Variants in FYCO1 observed in about 807,000 individuals in gnomAD.
FYCO1 encodes FYVE and coiled-coil domain autophagy adaptor 1.
In FYCO1, 122 loss-of-function variants were observed where a neutral mutation model predicts 165.1. The observed-to-expected ratio is 0.74, with a 90% CI of 0.64 to 0.86. The LOEUF (loss-of-function observed/expected upper bound fraction) is 0.86, where lower values mean the gene tolerates loss of function less well. Among genes scored for constraint, FYCO1 ranks in the 40% least tolerant of loss-of-function variants. FYCO1 has a pLI of 0.00. For missense variants in FYCO1, 1,702 were observed against 1,810.3 expected (o/e 0.94, Z 1.09); for synonymous variants, 648 against 742.5 (o/e 0.87, Z 2.07).
At chr3:45,937,593 G>T (rs975036681) in intron 14 of FYCO1, among the ~76,000 whole-genome samples, 2 of 152,254 alleles carry the variant, frequency 1.3e-5, no homozygotes, top group African/African-American at 4.8e-5. Flanking sequence ...AAGTTTTAAA[G>T]GACTCAGAGA....
rs545216321 is a variant in FYCO1 at position 45,995,564 on chromosome 3, G to T, written c.-113+158C>A. Among the ~76,000 whole-genome samples, 7 of 152,350 alleles carry T rather than the reference G, an allele frequency of 4.6e-5. No individual in the cohort carries two copies. In the South Asian group the frequency reaches 1.2e-3, roughly 27 times the overall value. ...AGGTGCTTCCCGGCCCGCTGGGCAA[G>T]GACGGGGGCGCTCGGGCAGGGTCTG... On this transcript the variant is annotated intron_variant, in intron 1 of 17. Coordinates refer to ENST00000296137, the MANE Select transcript of FYCO1 (RefSeq NM_024513.4).
chr3:45,931,626 C>T lies in FYCO1; in HGVS notation c.4041-345G>A, dbSNP rs574332140. Among the ~76,000 whole-genome samples, 398 of 152,332 alleles carry T rather than the reference C, an allele frequency of 2.6e-3. 1 individual carries two copies. Among genetic ancestry groups the T allele is most frequent in the African/African-American group, 9.2e-3 (381 of 41,580 alleles). On this transcript the variant is annotated intron_variant, in intron 15 of 17. Transcript: ENST00000296137. ...GCCCTCATGGACAGGAAGCAAGTGCCGAGGCACAGCTTTTTGCTGCTCTCC... is the reference window on the plus strand; with the variant it reads ...GCCCTCATGGACAGGAAGCAAGTGCTGAGGCACAGCTTTTTGCTGCTCTCC...
chr3:45,983,370 T>A (rs1707149160), intron 2 of FYCO1, among the ~76,000 whole-genome samples: 3 of 152,246 alleles, frequency 2.0e-5, no homozygotes, highest in Non-Finnish European at 2.9e-5. Context: ...TAGATTTGTA[T>A]GCTTATTAAG....
In FYCO1 at chr3:45,968,313, C is replaced by T. The variant is rs1220928847; in HGVS notation, c.1021G>A (p.Glu341Lys). Residue 341 changes from glutamate to lysine, a missense_variant, in exon 8 of 18, where the codon GAG becomes AAG. Glu to Lys is a moderately conservative substitution (Grantham distance 56). Transcript: ENST00000296137. ...EDYHTALRRL[E>K]SMLQPLAQEL... ...TGTGCCAAGGGCTGCAGCATGGACT[C>T]CAGCCGCCGCAGGGCTGTGTGGTAG... The T allele has an allele frequency of 1.2e-6, 2 of 1,613,738 alleles. No homozygotes were observed.
chr3:45,967,742 T>A lies in FYCO1; in HGVS notation c.1592A>T (p.Asp531Val). 1 of 1,613,308 alleles carries A rather than the reference T, an allele frequency of 6.2e-7. No homozygotes were observed. Among genetic ancestry groups the A allele is most frequent in the East Asian group, 2.2e-5 (1 of 44,878 alleles). The change falls in exon 8 of 18, where the codon GAC (aspartate) becomes GTC (valine). Residue 531 changes from aspartate (D) to valine (V), a missense_variant. Coordinates refer to ENST00000296137, the MANE Select transcript of FYCO1 (RefSeq NM_024513.4). ...QLAQVSQHVSDLEEQKKQLIQ... is the reference protein window; with the variant it reads ...QLAQVSQHVSVLEEQKKQLIQ... Reference sequence around the variant, plus strand: ...GAGCTGCTTCTTCTGCTCCTCCAGGTCACTCACATGTTGGCTCACCTGTGC... The same window carrying A: ...GAGCTGCTTCTTCTGCTCCTCCAGGACACTCACATGTTGGCTCACCTGTGC...
intron 15 of FYCO1, among the ~76,000 whole-genome samples, chr3:45,933,476 G>T (rs4683153): frequency 0.62 from 95,006 of 152,102 alleles, 30,251 homozygotes; most frequent in South Asian, 0.76. Context: ...GATCTGTGTG[G>T]TCTAGTTATT....
In FYCO1 at chr3:45,955,398, G is replaced by A. The variant is rs769966489; in HGVS notation, c.3800-5C>T. 2 of 1,614,082 alleles carry A rather than the reference G, an allele frequency of 1.2e-6. No homozygotes were observed. Among genetic ancestry groups the A allele is most frequent in the South Asian group, 2.2e-5 (2 of 91,078 alleles). On this transcript the variant is annotated splice_region_variant and splice_polypyrimidine_tract_variant and intron_variant, in intron 13 of 17. Coordinates refer to ENST00000296137, the MANE Select transcript of FYCO1 (RefSeq NM_024513.4). ...GCCTGTAGTCTGTATTTGCTCCTGGGCAGCAGAGGCAGATCAGGAGAGAAG... is the reference window on the plus strand; with the variant it reads ...GCCTGTAGTCTGTATTTGCTCCTGGACAGCAGAGGCAGATCAGGAGAGAAG...
In FYCO1 at chr3:45,956,905, A is replaced by C. The variant is rs553597649; in HGVS notation, c.3799+1503T>G. Among the ~76,000 whole-genome samples the C allele has an allele frequency of 2.8e-3, 421 of 152,364 alleles. 1 individual carries two copies. The highest frequency in any genetic ancestry group is 9.7e-3 in the African/African-American group (403 of 41,578). On this transcript the variant is annotated intron_variant, in intron 13 of 17. Transcript: ENST00000296137. Reference sequence around the variant, plus strand: ...AATTGACAAACTGATTCTAAAACTTATATAGAAAAACAAAAAACCTAGAAT... The same window carrying C: ...AATTGACAAACTGATTCTAAAACTTCTATAGAAAAACAAAAAACCTAGAAT...
In FYCO1 at chr3:45,967,807, C is replaced by T; in HGVS notation, c.1527G>A (p.Arg509=). 1 of 1,614,084 alleles carries T rather than the reference C, an allele frequency of 6.2e-7. No homozygotes were observed. Among genetic ancestry groups the T allele is most frequent in the Non-Finnish European group, 8.5e-7 (1 of 1,180,030 alleles). The change falls in exon 8 of 18, where the codon AGG becomes AGA. Residue 509 remains arginine (R), a synonymous_variant. Transcript: ENST00000296137. ...GGAACTGCAGCTGCCGGGTCAGAGACCTGACCTCCTGCTCCAGCAGCTCCT... is the reference window on the plus strand; with the variant it reads ...GGAACTGCAGCTGCCGGGTCAGAGATCTGACCTCCTGCTCCAGCAGCTCCT... ...EEKELLEQEV[R]SLTRQLQFLE...
rs750451991 is a variant in FYCO1, at chr3:45,955,348, A to T, written c.3845T>A (p.Ile1282Asn). The part of the protein sequence containing the change: ...YRPPDDAVFD[I>N]ITDEELCQIQ... Reference sequence around the variant, plus strand: ...CTGGCACAATTCCTCATCTGTGATGATATCAAACACAGCGTCGTCCGGTGG... The same window carrying T: ...CTGGCACAATTCCTCATCTGTGATGTTATCAAACACAGCGTCGTCCGGTGG... The change falls in exon 14 of 18, where the codon ATC (isoleucine) becomes AAC (asparagine). Residue 1282 changes from isoleucine (I) to asparagine (N), a missense_variant. Coordinates refer to ENST00000296137, the MANE Select transcript of FYCO1 (RefSeq NM_024513.4). The T allele has an allele frequency of 2.0e-5, 33 of 1,614,080 alleles. No individual in the cohort carries two copies. The highest frequency in any genetic ancestry group is 2.7e-5 in the Non-Finnish European group (32 of 1,180,034).
At chr3:45,931,820 C>T (rs746849353) in intron 15 of FYCO1, among the ~76,000 whole-genome samples, 16 of 152,214 alleles carry the variant, frequency 1.1e-4, no homozygotes, top group Non-Finnish European at 1.5e-4. Flanking sequence ...ACACCCTGAC[C>T]TTTCCTCAAA....
chr3:45,953,342 TGG>T (rs1205382248), intron 14 of FYCO1, among the ~76,000 whole-genome samples: 1 of 152,218 alleles, frequency 6.6e-6, no homozygotes, highest in Non-Finnish European at 1.5e-5. Context: ...GTCTGGGACC[TGG>T]GACCCACATA....
intron 11 of FYCO1, among the ~76,000 whole-genome samples, chr3:45,960,165 T>C (rs986295928): frequency 6.6e-6 from 1 of 152,184 alleles, no homozygotes; most frequent in African/African-American, 2.4e-5. Flanking sequence ...AGGGGGAGGA[T>C]GTGAACAGAG....
intron 6 of FYCO1, among the ~76,000 whole-genome samples, chr3:45,970,296 G>A (rs556279447): frequency 2.6e-5 from 4 of 152,190 alleles, no homozygotes; most frequent in Admixed American, 6.5e-5. Flanking sequence ...GATAACTCTC[G>A]TTTAGCAGGA....
At chr3:45,940,282 G>C (rs1257658056) in intron 14 of FYCO1, among the ~76,000 whole-genome samples, 3 of 152,168 alleles carry the variant, frequency 2.0e-5, no homozygotes, top group African/African-American at 7.2e-5. Context: ...TGCAGCCAGA[G>C]CCAGAGAAAG....
intron 14 of FYCO1, chr3:45,947,639 G>T: frequency 1.4e-6 from 1 of 717,178 alleles, no homozygotes; most frequent in Non-Finnish European, 2.4e-6. Context: ...ACTCTGGCTG[G>T]TTTGGAATGC....
At chr3:45,946,231 TG>T in intron 14 of FYCO1, 1 of 461,212 alleles carries the variant, frequency 2.2e-6, no homozygotes, top group Admixed American at 3.6e-5. Flanking sequence ...GTCTCCCAGA[TG>T]GGTGAGATCC....
intron 14 of FYCO1, chr3:45,947,310 G>A (rs771676006): frequency 7.4e-6 from 12 of 1,613,978 alleles, no homozygotes; most frequent in East Asian, 6.7e-5. Context: ...AGAGGCCATC[G>A]CATACCTGAG....
In FYCO1 at chr3:45,967,895, G is replaced by T; in HGVS notation, c.1439C>A (p.Thr480Lys). Residue 480 changes from threonine to lysine, a missense_variant, in exon 8 of 18, where the codon ACG becomes AAG. Coordinates refer to ENST00000296137, the MANE Select transcript of FYCO1 (RefSeq NM_024513.4). ...WRRLQELLAHTSSWEEELAEL... is the reference protein window; with the variant it reads ...WRRLQELLAHKSSWEEELAEL... ...TGCTAGCTCCTCCTCCCAGGAGCTC[G>T]TGTGGGCCAGCAACTCCTGCAGCCG... is the stretch of plus-strand genomic sequence containing the variant. 1 of 1,614,080 alleles carries T rather than the reference G, an allele frequency of 6.2e-7. No homozygotes were observed. The highest frequency in any genetic ancestry group is 2.2e-5 in the East Asian group (1 of 44,858).
Sources: allele counts gnomAD v4.1 joint callset (sites outside exome capture counted in the v4.1 genomes callset), GRCh38; gene constraint gnomAD v4.1.1; transcripts MANE v1.5; gene names NCBI Gene and HGNC (gene_info 2026-07-23, HGNC 2026-07-21).